Variants in PTGER3 observed in about 807,000 individuals in gnomAD.
PTGER3 encodes prostaglandin E receptor 3.
In PTGER3, 22 loss-of-function variants were observed where a neutral mutation model predicts 34.7. The ratio of observed to expected loss-of-function variants is 0.63; its 90% CI spans 0.45 to 0.91. The LOEUF is 0.91. PTGER3 is among the 40% of genes least tolerant of loss of function. PTGER3 has a pLI of 0.00. For synonymous variants in PTGER3, 241 were observed against 230.1 expected, an observed-to-expected ratio of 1.05 and a Z score of -0.43; for missense variants, 468 against 519.4, an observed-to-expected ratio of 0.90 and a Z score of 0.96.
At chr1:71,012,791 T>C (rs1180240254) in intron 1 of PTGER3, among the ~76,000 whole-genome samples, 1 of 152,172 alleles carries the variant, frequency 6.6e-6, no homozygotes, top group Non-Finnish European at 1.5e-5. Context: ...GTCATGTTTG[T>C]TGCAGAAAAC....
At chr1:70,937,809 T>C (rs1390058850) in intron 4 of PTGER3, among the ~76,000 whole-genome samples, 1 of 152,198 alleles carries the variant, frequency 6.6e-6, no homozygotes, top group African/African-American at 2.4e-5. Context: ...AAATAAAAGT[T>C]AATCATTGTT....
At chr1:70,903,029 G>T (rs1358662923) in intron 4 of PTGER3, among the ~76,000 whole-genome samples, 1 of 152,158 alleles carries the variant, frequency 6.6e-6, no homozygotes, top group East Asian at 1.9e-4. Flanking sequence ...GGATTATTCA[G>T]CTGGGTCCAA....
chr1:70,946,388 T>A (rs769016956), intron 4 of PTGER3, among the ~76,000 whole-genome samples: 125 of 152,216 alleles, frequency 8.2e-4, no homozygotes, highest in Non-Finnish European at 5.3e-4. Context: ...AAATAGATGA[T>A]AACAGAATTG....
intron 4 of PTGER3, among the ~76,000 whole-genome samples, chr1:70,916,386 A>G (rs1186433614): frequency 6.6e-6 from 1 of 152,074 alleles, no homozygotes; most frequent in African/African-American, 2.4e-5. Flanking sequence ...CTGGGTACAT[A>G]CTCAAAGGAA....
chr1:70,927,718 T>A (rs996356024), intron 4 of PTGER3, among the ~76,000 whole-genome samples: 1 of 151,982 alleles, frequency 6.6e-6, no homozygotes, highest in African/African-American at 2.4e-5. Flanking sequence ...TTCCCAGAGG[T>A]CATTTACCAT....
intron 4 of PTGER3, among the ~76,000 whole-genome samples, chr1:70,905,585 G>A (rs1270232439): frequency 6.6e-6 from 1 of 152,132 alleles, no homozygotes; most frequent in Non-Finnish European, 1.5e-5. Flanking sequence ...CTGCCCTGCT[G>A]GATTTCGGAC....
chr1:71,036,441 C>A (rs1444677833), intron 1 of PTGER3, among the ~76,000 whole-genome samples: 1 of 151,978 alleles, frequency 6.6e-6, no homozygotes, highest in African/African-American at 2.4e-5. Flanking sequence ...CACTTGAGCC[C>A]AATAGTTCAA....
At chr1:71,016,890 C>G (rs1435550554) in intron 1 of PTGER3, among the ~76,000 whole-genome samples, 1 of 151,832 alleles carries the variant, frequency 6.6e-6, no homozygotes, top group Admixed American at 6.6e-5. Context: ...GGTTATTATT[C>G]CCTTCTTTGG....
At chr1:70,976,537 TTA>T (rs1653722549) in intron 2 of PTGER3, among the ~76,000 whole-genome samples, 1 of 152,112 alleles carries the variant, frequency 6.6e-6, no homozygotes, top group African/African-American at 2.4e-5. Context: ...ATATTGGGGA[TTA>T]TATATGATTT....
intron 4 of PTGER3, among the ~76,000 whole-genome samples, chr1:70,888,756 T>C (rs776741145): frequency 2.2e-5 from 3 of 138,212 alleles, no homozygotes; most frequent in African/African-American, 9.3e-5. Context: ...TTTGGGGATT[T>C]TTTTTTTCTG....
At chr1:71,007,809 C>G (rs2100839196) in intron 2 of PTGER3, 1 of 984,750 alleles carries the variant, frequency 1.0e-6, no homozygotes, top group Non-Finnish European at 1.2e-6. Flanking sequence ...ATTAAAGGAT[C>G]AAAATATTCT....
chr1:70,867,892 T>C (rs1646076877), intron 4 of PTGER3, among the ~76,000 whole-genome samples: 1 of 152,168 alleles, frequency 6.6e-6, no homozygotes, highest in Non-Finnish European at 1.5e-5. Context: ...CTCAAGTTTA[T>C]CTATGCTTAG....
chr1:70,934,143 T>C (rs749457434), intron 4 of PTGER3, among the ~76,000 whole-genome samples: 1 of 152,190 alleles, frequency 6.6e-6, no homozygotes, highest in East Asian at 1.9e-4. Flanking sequence ...TTGACAATAT[T>C]GTAAACCAAA....
chr1:70,990,654 T>C (rs1456152547), intron 2 of PTGER3, among the ~76,000 whole-genome samples: 1 of 152,016 alleles, frequency 6.6e-6, no homozygotes, highest in East Asian at 1.9e-4. Context: ...CTAATTTTTA[T>C]GTTTGTAGAG....
intron 4 of PTGER3, among the ~76,000 whole-genome samples, chr1:70,858,163 G>GT (rs1572469636): frequency 6.7e-6 from 1 of 148,878 alleles, no homozygotes; most frequent in East Asian, 2.0e-4. Flanking sequence ...TAGAGGCAAT[G>GT]ATCTACTGAG....
chr1:70,979,732 A>G (rs895869956), intron 2 of PTGER3, among the ~76,000 whole-genome samples: 1 of 152,124 alleles, frequency 6.6e-6, no homozygotes, highest in African/African-American at 2.4e-5. Flanking sequence ...CCACTTCGTG[A>G]GACTCTGATC....
intron 4 of PTGER3, among the ~76,000 whole-genome samples, chr1:70,871,137 T>C (rs1204582192): frequency 1.3e-5 from 2 of 152,158 alleles, no homozygotes; most frequent in African/African-American, 4.8e-5. Flanking sequence ...GTTCTGCAGG[T>C]CACACAAGCA....
intron 4 of PTGER3, among the ~76,000 whole-genome samples, chr1:70,873,649 G>GTTT (rs1557620375): frequency 7.1e-6 from 1 of 141,278 alleles, no homozygotes; most frequent in African/African-American, 2.7e-5. Context: ...TATGTGAGGT[G>GTTT]CTTTTTTTTT....
chr1:71,000,292 AC>A (rs1483663153), intron 2 of PTGER3, among the ~76,000 whole-genome samples: 4 of 152,156 alleles, frequency 2.6e-5, no homozygotes, highest in African/African-American at 9.7e-5. Flanking sequence ...TCTTCCACAA[AC>A]CCCAGTTTCC....
Sources: allele counts gnomAD v4.1 joint callset (sites outside exome capture counted in the v4.1 genomes callset), GRCh38; gene constraint gnomAD v4.1.1; transcripts MANE v1.5; gene names NCBI Gene and HGNC (gene_info 2026-07-23, HGNC 2026-07-21).